CCDC180: variants seen among roughly 807,000 people sequenced by gnomAD.
CCDC180 encodes the protein coiled-coil domain containing 180.
CCDC180 carries 154 observed loss-of-function variants against 209.2 expected under a neutral mutation model. That is an observed-to-expected ratio of 0.74 (90% CI 0.65 to 0.84). CCDC180 has a LOEUF of 0.84. Among genes scored for constraint, CCDC180 ranks in the 40% least tolerant of loss-of-function variants. The pLI, the probability that CCDC180 is intolerant of heterozygous loss-of-function variation, is 0.00. For missense variants in CCDC180, 1,874 were observed against 1,997.3 expected, an observed-to-expected ratio of 0.94 and a Z score of 1.18; for synonymous variants, 778 against 749.1, an observed-to-expected ratio of 1.04 and a Z score of -0.63.
At chr9:97,342,236 A>G (rs1826107078) in intron 18 of CCDC180, among the ~76,000 whole-genome samples, 1 of 152,220 alleles carries the variant, frequency 6.6e-6, no homozygotes, top group Non-Finnish European at 1.5e-5. Context: ...TGGAAATGCA[A>G]AAATCACCCA....
intron 3 of CCDC180, among the ~76,000 whole-genome samples, chr9:97,311,907 C>A (rs533447408): frequency 6.6e-6 from 1 of 152,234 alleles, no homozygotes; most frequent in South Asian, 2.1e-4. Context: ...CCTAGGGACC[C>A]ACGGTGTCTG....
chr9:97,343,012 A>C (rs563885370), intron 18 of CCDC180, among the ~76,000 whole-genome samples: 60 of 152,250 alleles, frequency 3.9e-4, no homozygotes, highest in Non-Finnish European at 7.1e-4. Flanking sequence ...AATAGAAAAG[A>C]GGGCTGGAGA....
intron 22 of CCDC180, 124 bp downstream of exon 22, chr9:97,350,679 C>A: frequency 2.9e-6 from 3 of 1,037,690 alleles, no homozygotes; most frequent in Non-Finnish European, 4.1e-6. Flanking sequence ...ACATCTTAAC[C>A]ATTTTTAGGT....
intron 29 of CCDC180, chr9:97,365,384 A>G (rs893975539): frequency 5.6e-6 from 2 of 355,904 alleles, no homozygotes; most frequent in African/African-American, 2.1e-5. Context: ...TTAGCATGTC[A>G]TAAGGCTGAG....
Position 97,312,188 on chromosome 9 carries a change from C to T in CCDC180, c.336C>T (p.Leu112=), listed in dbSNP as rs1279823023. 1.2e-6 allele frequency: 2 copies of T among 1,613,952 alleles called. No individual in the cohort carries two copies. The highest frequency in any genetic ancestry group is 1.7e-6 in the Non-Finnish European group (2 of 1,179,866). ...NTIAAREVRG[L]MDTIVPEKIS... ...TCGCTGCCCGAGAAGTGCGGGGTCT[C>T]ATGGATACTATAGGTGAGCCTCCAT... Residue 112 remains leucine (L), a synonymous_variant, in exon 4 of 37, where the codon CTC becomes CTT. Transcript: ENST00000529487.
At chr9:97,332,386 G>A (rs192963389) in intron 18 of CCDC180, among the ~76,000 whole-genome samples, 4 of 152,114 alleles carry the variant, frequency 2.6e-5, no homozygotes, top group African/African-American at 9.7e-5. Context: ...TTTTAAAATA[G>A]TTTTTCTGAT....
chr9:97,356,799 G>A (rs1331718345), intron 24 of CCDC180, among the ~76,000 whole-genome samples: 1 of 152,228 alleles, frequency 6.6e-6, no homozygotes, highest in Non-Finnish European at 1.5e-5. Context: ...GGACAATACT[G>A]GGAATATAGA....
At position 97,361,851 on chromosome 9, in the gene CCDC180, G is replaced by T. The variant is rs376179649; in HGVS notation, c.3609G>T (p.Lys1203Asn). The change falls in exon 27 of 37, where the codon AAG becomes AAT. Residue 1203 changes from lysine (K) to asparagine (N), a missense_variant. Coordinates refer to ENST00000529487, the MANE Select transcript of CCDC180 (RefSeq NM_020893.6). ...TCACCCAGCTGAGCCGCGTGGGGAA[G>T]CCCCTGATTGAGGACCCAGCTGTGG... ...ESFTQLSRVGKPLIEDPAVDV... is the reference protein window; with the variant it reads ...ESFTQLSRVGNPLIEDPAVDV... 3.7e-6 allele frequency: 6 copies of T among 1,614,184 alleles called. No individual in the cohort carries two copies. The highest frequency in any genetic ancestry group is 1.7e-4 in the Middle Eastern group (1 of 6,060).
At chr9:97,328,656 C>T (rs1399459645) in intron 16 of CCDC180, among the ~76,000 whole-genome samples, 2 of 152,054 alleles carry the variant, frequency 1.3e-5, no homozygotes, top group African/African-American at 4.8e-5. Context: ...TGCTGGGACC[C>T]CTCTGTCTCC....
rs117235788 is a variant in CCDC180, at chr9:97,374,251, G to A, written c.4601-292G>A. 3.4e-3 allele frequency: 1,256 copies of A among 369,668 alleles called. 11 individuals carry two copies. The highest frequency in any genetic ancestry group is 5.3e-3 in the South Asian group (122 of 22,854). The allele number at this position is 369,668 out of a possible 1,614,324, so 22.9% of individuals were successfully genotyped here. A position where few individuals can be genotyped will look rare whatever the true frequency, so the allele number is the denominator to read the frequency against. Reference sequence around the variant, plus strand: ...AAAGAAGTCTCTATGAACCATATCCGGGGACTCATGGAAACTGCAGCAACG... The same window carrying A: ...AAAGAAGTCTCTATGAACCATATCCAGGGACTCATGGAAACTGCAGCAACG... On this transcript the variant is annotated intron_variant, in intron 34 of 36. Coordinates refer to ENST00000529487, the MANE Select transcript of CCDC180 (RefSeq NM_020893.6).
intron 11 of CCDC180, among the ~76,000 whole-genome samples, 159 bp from the exon 12 acceptor site, chr9:97,322,674 T>C (rs1833397082): frequency 6.6e-6 from 1 of 152,130 alleles, no homozygotes; most frequent in East Asian, 1.9e-4. Flanking sequence ...GTCAGGAACT[T>C]TGTAAGGGGA....
intron 18 of CCDC180, among the ~76,000 whole-genome samples, chr9:97,340,336 A>G (rs1267087744): frequency 6.6e-6 from 1 of 152,046 alleles, no homozygotes; most frequent in Non-Finnish European, 1.5e-5. Context: ...TGACCTACAG[A>G]TGGGGTTTTG....
At chr9:97,375,629 C>G in intron 36 of CCDC180, 40 bp downstream of exon 36, 1 of 1,611,244 alleles carries the variant, frequency 6.2e-7, no homozygotes, top group Non-Finnish European at 8.5e-7. Context: ...GGGAGCACAG[C>G]TCAGGTCGGC....
At chr9:97,351,743 A>AC (rs563757100) in intron 22 of CCDC180, among the ~76,000 whole-genome samples, 53 of 152,236 alleles carry the variant, frequency 3.5e-4, no homozygotes, top group African/African-American at 1.3e-3. Context: ...GCCCCCCACT[A>AC]CCAGCATCAC....
chr9:97,314,564 G>C (rs972583034), intron 6 of CCDC180, 43 bp downstream of exon 6: 2 of 1,613,370 alleles, frequency 1.2e-6, no homozygotes, highest in Non-Finnish European at 1.7e-6. Context: ...CCCAGGTCCT[G>C]CTTCTTCCCT....
At position 97,308,037 on chromosome 9, in the gene CCDC180, G is replaced by T. The variant is rs777789283; in HGVS notation, c.-27G>T. On this transcript the variant is annotated 5_prime_UTR_variant, in exon 2 of 37. Coordinates refer to ENST00000529487, the MANE Select transcript of CCDC180 (RefSeq NM_020893.6). The stretch of plus-strand genomic sequence containing the variant: ...CGCGTTTCCTGGACGACGGCTTCCC[G>T]GCAGGGGCATCCAGCCAGCGGCCAA... 4.3e-6 allele frequency: 7 copies of T among 1,612,912 alleles called. No homozygotes were observed. Among genetic ancestry groups the T allele is most frequent in the Non-Finnish European group, 5.1e-6 (6 of 1,179,526 alleles).
At chr9:97,313,474 A>C in intron 5 of CCDC180, 129 bp downstream of exon 5, 1 of 601,032 alleles carries the variant, frequency 1.7e-6, no homozygotes. Flanking sequence ...CTTAGACGAC[A>C]TGGAACCCTC....
intron 15 of CCDC180, 114 bp downstream of exon 15, chr9:97,326,783 C>T (rs1262838916): frequency 7.5e-6 from 5 of 668,526 alleles, no homozygotes; most frequent in Admixed American, 2.4e-5. Context: ...GAAAATTGTG[C>T]CTCTCACTTT....
At position 97,341,918 on chromosome 9, in the gene CCDC180, G is replaced by C. The variant is rs551452096; in HGVS notation, c.2275-1422G>C. Among the ~76,000 whole-genome samples the C allele has an allele frequency of 2.0e-5, 3 of 152,264 alleles. No individual in the cohort carries two copies. The East Asian group carries it at 5.8e-4, about 29-fold the overall frequency. On this transcript the variant is annotated intron_variant, in intron 18 of 36. Transcript: ENST00000529487. ...TGCCCCTCCCCCAGCCAGGCTTGCCGCCTCACAGTTCGATCTCAGACTAGC... is the reference window on the plus strand; with the variant it reads ...TGCCCCTCCCCCAGCCAGGCTTGCCCCCTCACAGTTCGATCTCAGACTAGC...
Sources: allele counts gnomAD v4.1 joint callset (sites outside exome capture counted in the v4.1 genomes callset), GRCh38; gene constraint gnomAD v4.1.1; transcripts MANE v1.5; gene names NCBI Gene and HGNC (gene_info 2026-07-23, HGNC 2026-07-21).